Variants in DCC observed in about 807,000 individuals in gnomAD.
DCC encodes DCC netrin 1 receptor, also known as netrin receptor DCC.
DCC carries 58 observed loss-of-function variants against 172.5 expected under a neutral mutation model. That is an observed-to-expected ratio of 0.34 (90% CI 0.27 to 0.42). The LOEUF is 0.42. Ranked by LOEUF, DCC falls within the 10% of genes least tolerant of loss-of-function variation. The pLI is 1.00. For missense variants in DCC, 1,740 were observed against 1,791.0 expected, an observed-to-expected ratio of 0.97 and a Z score of 0.51; for synonymous variants, 709 against 644.5, an observed-to-expected ratio of 1.10 and a Z score of -1.52.
intron 2 of DCC, among the ~76,000 whole-genome samples, chr18:52,831,069 C>T (rs939542986): frequency 1.3e-5 from 2 of 151,966 alleles, no homozygotes; most frequent in African/African-American, 2.4e-5. Context: ...TTAAATAAGA[C>T]CTTAAGGAGG....
At chr18:53,264,697 G>A (rs751478977) in intron 12 of DCC, among the ~76,000 whole-genome samples, 2 of 152,042 alleles carry the variant, frequency 1.3e-5, no homozygotes, top group South Asian at 4.2e-4. Flanking sequence ...GCTGCTCAGC[G>A]TTTAGATCAT....
chr18:52,819,956 G>C (rs377131418), intron 2 of DCC, among the ~76,000 whole-genome samples: 16 of 152,076 alleles, frequency 1.1e-4, no homozygotes, highest in African/African-American at 3.9e-4. Context: ...TCCTGACCTC[G>C]TGATCCACCT....
At chr18:53,005,859 G>A (rs191399108) in intron 5 of DCC, among the ~76,000 whole-genome samples, 100 of 152,188 alleles carry the variant, frequency 6.6e-4, no homozygotes, top group African/African-American at 2.3e-3. Flanking sequence ...CCTTTGCTTC[G>A]CTTATTTTTT....
intron 5 of DCC, among the ~76,000 whole-genome samples, chr18:52,951,390 C>T (rs1466248028): frequency 6.6e-6 from 1 of 152,122 alleles, no homozygotes; most frequent in African/African-American, 2.4e-5. Context: ...AGGTTTTAAG[C>T]CCTGCATGCA....
chr18:52,915,597 A>G (rs1256262742), intron 3 of DCC, among the ~76,000 whole-genome samples: 4 of 152,108 alleles, frequency 2.6e-5, no homozygotes, highest in Non-Finnish European at 5.9e-5. Context: ...TTCTGAATAT[A>G]TTAAGTGTAA....
chr18:52,565,097 C>T (rs2033128938), intron 1 of DCC, among the ~76,000 whole-genome samples: 1 of 152,132 alleles, frequency 6.6e-6, no homozygotes, highest in African/African-American at 2.4e-5. Flanking sequence ...CAGTGTAAGA[C>T]TTCTCTTCTA....
At chr18:52,742,746 A>G (rs1568076158) in intron 1 of DCC, among the ~76,000 whole-genome samples, 1 of 152,206 alleles carries the variant, frequency 6.6e-6, no homozygotes, top group Non-Finnish European at 1.5e-5. Flanking sequence ...TTTTCCAAGT[A>G]GAAGTGAGAA....
At chr18:53,311,206 C>G (rs2057264003) in intron 13 of DCC, among the ~76,000 whole-genome samples, 1 of 152,058 alleles carries the variant, frequency 6.6e-6, no homozygotes, top group African/African-American at 2.4e-5. Context: ...ACTGCAACCT[C>G]TGCCTCCCGG....
At chr18:52,644,496 A>C (rs1190143353) in intron 1 of DCC, among the ~76,000 whole-genome samples, 1 of 150,638 alleles carries the variant, frequency 6.6e-6, no homozygotes, top group Non-Finnish European at 1.5e-5. Flanking sequence ...GGAGAATGGC[A>C]TGAACCTGGG....
intron 1 of DCC, among the ~76,000 whole-genome samples, chr18:52,394,861 G>T (rs1042118083): frequency 6.6e-6 from 1 of 152,074 alleles, no homozygotes; most frequent in Admixed American, 6.6e-5. Flanking sequence ...ATGAGCTGTT[G>T]CAAGGAAGGT....
At chr18:52,817,765 A>G (rs1025666524) in intron 2 of DCC, among the ~76,000 whole-genome samples, 3 of 152,134 alleles carry the variant, frequency 2.0e-5, no homozygotes, top group African/African-American at 7.2e-5. Flanking sequence ...TCTTTAGGAA[A>G]ACTCCCAATC....
intron 19 of DCC, among the ~76,000 whole-genome samples, chr18:53,406,729 AAAG>A (rs1209700112): frequency 6.7e-4 from 79 of 117,402 alleles, no homozygotes; most frequent in Non-Finnish European, 1.4e-3. Context: ...AAGAAAGAAA[AAAG>A]AAAAAAAGTA....
intron 1 of DCC, among the ~76,000 whole-genome samples, chr18:52,642,183 A>G (rs1321571455): frequency 6.6e-6 from 1 of 151,798 alleles, no homozygotes; most frequent in African/African-American, 2.4e-5. Flanking sequence ...GACCTGGATG[A>G]GATTGGAGAC....
At chr18:53,496,258 A>G (rs1336907808) in intron 26 of DCC, among the ~76,000 whole-genome samples, 1 of 152,210 alleles carries the variant, frequency 6.6e-6, no homozygotes, top group Non-Finnish European at 1.5e-5. Flanking sequence ...AGGAAGGTAC[A>G]GGCAGCAAAC....
At chr18:53,209,095 A>G (rs531378556) in intron 11 of DCC, among the ~76,000 whole-genome samples, 1 of 152,304 alleles carries the variant, frequency 6.6e-6, no homozygotes, top group East Asian at 1.9e-4. Flanking sequence ...CACAGCACCC[A>G]GCTAATATTT....
At chr18:52,583,682 A>T (rs972596247) in intron 1 of DCC, among the ~76,000 whole-genome samples, 2 of 152,238 alleles carry the variant, frequency 1.3e-5, no homozygotes, top group South Asian at 4.1e-4. Context: ...CATAGCCATA[A>T]GTCACAAAGT....
intron 14 of DCC, among the ~76,000 whole-genome samples, chr18:53,330,589 A>G (rs1302307078): frequency 6.6e-6 from 1 of 152,106 alleles, no homozygotes; most frequent in Non-Finnish European, 1.5e-5. Flanking sequence ...TGACGATGTC[A>G]GTTCGCTGCT....
chr18:53,294,801 GATTC>G (rs1291376187), intron 12 of DCC, among the ~76,000 whole-genome samples: 1 of 152,168 alleles, frequency 6.6e-6, no homozygotes, highest in Non-Finnish European at 1.5e-5. Context: ...CCAGGGAAAG[GATTC>G]TCCCAGAGTA....
chr18:52,799,012 A>C (rs1022732562), intron 2 of DCC, among the ~76,000 whole-genome samples: 1 of 152,138 alleles, frequency 6.6e-6, no homozygotes, highest in Non-Finnish European at 1.5e-5. Flanking sequence ...GCCTCCCAAA[A>C]TGCTGGGATT....
Sources: allele counts gnomAD v4.1 joint callset (sites outside exome capture counted in the v4.1 genomes callset), GRCh38; gene constraint gnomAD v4.1.1; transcripts MANE v1.5; gene names NCBI Gene and HGNC (gene_info 2026-07-23, HGNC 2026-07-21).